Variants in SELENOT observed in about 807,000 individuals in gnomAD.
The protein encoded by SELENOT is selenoprotein T.
Under a neutral mutation model 24.3 loss-of-function variants are expected in SELENOT, and 9 were observed. The observed-to-expected ratio is 0.37, with a 90% CI of 0.22 to 0.65. SELENOT has a LOEUF of 0.65. Ranked by LOEUF, SELENOT falls within the 30% of genes least tolerant of loss-of-function variation. The pLI, the probability that SELENOT is intolerant of heterozygous loss-of-function variation, is 0.60. For synonymous variants in SELENOT, 81 were observed against 86.0 expected (o/e 0.94, Z 0.32); for missense variants, 166 against 247.6 (o/e 0.67, Z 2.21).
chr3:150,610,358 A>G (rs924134619), intron 1 of SELENOT, among the ~76,000 whole-genome samples: 5 of 152,230 alleles, frequency 3.3e-5, no homozygotes, highest in African/African-American at 9.6e-5. Context: ...TGGTTATCTC[A>G]GCACTTCAAA....
chr3:150,614,797 AC>A (rs1424469352), intron 1 of SELENOT, among the ~76,000 whole-genome samples: 2 of 151,878 alleles, frequency 1.3e-5, no homozygotes, highest in Non-Finnish European at 2.9e-5. Context: ...CCATATAAAT[AC>A]TTCTATAAAA....
At chr3:150,617,626 G>A (rs953002770) in intron 1 of SELENOT, among the ~76,000 whole-genome samples, 9 of 152,078 alleles carry the variant, frequency 5.9e-5, no homozygotes, top group Admixed American at 2.6e-4. Flanking sequence ...TAGAAGCCAC[G>A]TTAGGCTCAT....
rs113221208 is a variant in SELENOT at position 150,627,997 on chromosome 3, A to G, written c.*368A>G. The G allele has an allele frequency of 4.3e-4, 65 of 152,188 alleles. No homozygotes were observed. The highest frequency in any genetic ancestry group is 1.4e-3 in the African/African-American group (58 of 41,520). The allele number at this position is 152,188 out of a possible 1,614,324, so 9.4% of individuals were successfully genotyped here. A position where few individuals can be genotyped will look rare whatever the true frequency, so the allele number is the denominator to read the frequency against. On this transcript the variant is annotated 3_prime_UTR_variant, in exon 6 of 6. Coordinates refer to ENST00000471696, the MANE Select transcript of SELENOT (RefSeq NM_016275.5). ...GAGTTACAATTTGATTTTTTTTCCA[A>G]AGATGTCTGTTAAATCTGTTGTGCT...
intron 4 of SELENOT, 195 bp from the exon 5 acceptor site, chr3:150,626,815 T>G: frequency 1.8e-6 from 1 of 547,112 alleles, no homozygotes; most frequent in East Asian, 3.0e-5. Flanking sequence ...TACACAATTG[T>G]AATTTTGTAG....
intron 1 of SELENOT, among the ~76,000 whole-genome samples, chr3:150,616,725 T>C (rs931578769): frequency 2.0e-5 from 3 of 152,270 alleles, no homozygotes; most frequent in African/African-American, 7.2e-5. Context: ...AAAGTGGGCC[T>C]GTGTCAATAT....
At chr3:150,611,613 T>C (rs543185758) in intron 1 of SELENOT, 5 of 1,507,474 alleles carry the variant, frequency 3.3e-6, no homozygotes, top group East Asian at 2.3e-5. Context: ...TGCGCTCTTA[T>C]CCAGCTCGAT....
intron 1 of SELENOT, among the ~76,000 whole-genome samples, chr3:150,607,599 T>G (rs917191178): frequency 2.6e-5 from 4 of 152,182 alleles, no homozygotes; most frequent in African/African-American, 9.7e-5. Context: ...TGTTAAGTGC[T>G]GTGAAGAAAG....
chr3:150,603,658 A>C, intron 1 of SELENOT, 159 bp downstream of exon 1: 1 of 853,006 alleles, frequency 1.2e-6, no homozygotes, highest in Non-Finnish European at 1.7e-6. Flanking sequence ...GCGGCCCCTT[A>C]GCGCGGTCAG....
chr3:150,611,745 C>T, intron 1 of SELENOT: 19 of 1,439,010 alleles, frequency 1.3e-5, no homozygotes, highest in Non-Finnish European at 1.8e-5. Flanking sequence ...GGCCTGGCCG[C>T]CCCCAGGGGC....
At chr3:150,616,629 T>C (rs944398869) in intron 1 of SELENOT, among the ~76,000 whole-genome samples, 1 of 152,132 alleles carries the variant, frequency 6.6e-6, no homozygotes, top group South Asian at 2.1e-4. Context: ...ATCAGAGAAA[T>C]GCAAATCAAA....
intron 1 of SELENOT, among the ~76,000 whole-genome samples, chr3:150,605,631 G>A (rs548407815): frequency 1.4e-5 from 2 of 143,406 alleles, no homozygotes; most frequent in South Asian, 2.4e-4. Flanking sequence ...ACTATCCACC[G>A]GAGATCATTT....
rs1392880610 is a variant in SELENOT at position 150,628,697 on chromosome 3, T to G, written c.*1068T>G. 1 of 152,202 alleles carries G rather than the reference T, an allele frequency of 6.6e-6. No individual in the cohort carries two copies. Among genetic ancestry groups the G allele is most frequent in the Non-Finnish European group, 1.5e-5 (1 of 68,022 alleles). The allele number at this position is 152,202 out of a possible 1,614,324, so 9.4% of individuals were successfully genotyped here. ...TTAAATTTAATTTTTAAATACTGTT[T>G]CAGAGTTCTAAAAAGGCAGTTTTTT... On this transcript the variant is annotated 3_prime_UTR_variant, in exon 6 of 6. Coordinates refer to ENST00000471696, the MANE Select transcript of SELENOT (RefSeq NM_016275.5).
chr3:150,604,529 A>C (rs530293553), intron 1 of SELENOT, among the ~76,000 whole-genome samples: 1 of 152,352 alleles, frequency 6.6e-6, no homozygotes, highest in Admixed American at 6.5e-5. Flanking sequence ...GACATCATTC[A>C]TTTAAAACCT....
intron 1 of SELENOT, among the ~76,000 whole-genome samples, chr3:150,621,494 T>G (rs1199756723): frequency 6.6e-6 from 1 of 152,132 alleles, no homozygotes; most frequent in African/African-American, 2.4e-5. Context: ...TATCTGTTCC[T>G]TAACTTAGAA....
intron 4 of SELENOT, among the ~76,000 whole-genome samples, 168 bp downstream of exon 4, chr3:150,625,067 C>T (rs1165981421): frequency 6.8e-6 from 1 of 146,370 alleles, no homozygotes; most frequent in African/African-American, 2.5e-5. Context: ...AAAATTTTAA[C>T]TTTTTTTTTT....
chr3:150,616,706 C>T (rs1037253297), intron 1 of SELENOT, among the ~76,000 whole-genome samples: 2 of 152,312 alleles, frequency 1.3e-5, no homozygotes, highest in Non-Finnish European at 2.9e-5. Flanking sequence ...AATTCATTGT[C>T]ATTTAAATAA....
chr3:150,620,967 A>C (rs1236927207), intron 1 of SELENOT, among the ~76,000 whole-genome samples: 1 of 152,218 alleles, frequency 6.6e-6, no homozygotes, highest in Non-Finnish European at 1.5e-5. Flanking sequence ...TGAAGTGTTT[A>C]TGTAAGATCT....
intron 1 of SELENOT, among the ~76,000 whole-genome samples, chr3:150,621,181 A>C (rs1726334518): frequency 6.6e-6 from 1 of 152,202 alleles, no homozygotes; most frequent in South Asian, 2.1e-4. Context: ...CGAAATATTT[A>C]GACTTGTAAG....
At chr3:150,608,368 T>C (rs577519860) in intron 1 of SELENOT, among the ~76,000 whole-genome samples, 4 of 152,226 alleles carry the variant, frequency 2.6e-5, no homozygotes, top group Non-Finnish European at 5.9e-5. Context: ...TGATTTTATA[T>C]GCCATTTAGA....
Sources: allele counts gnomAD v4.1 joint callset (sites outside exome capture counted in the v4.1 genomes callset), GRCh38; gene constraint gnomAD v4.1.1; transcripts MANE v1.5; gene names NCBI Gene and HGNC (gene_info 2026-07-23, HGNC 2026-07-21).